ZNF777: variants seen among roughly 807,000 people sequenced by gnomAD.
The protein encoded by ZNF777 is zinc finger protein 777.
A neutral mutation model predicts 72.1 loss-of-function variants in ZNF777; 7 were observed. The ratio of observed to expected loss-of-function variants is 0.10; its 90% CI spans 0.06 to 0.18. The LOEUF (loss-of-function observed/expected upper bound fraction) is 0.18. Ranked by LOEUF, ZNF777 falls within the 10% of genes least tolerant of loss-of-function variation. The pLI is 1.00. For synonymous variants in ZNF777, 545 were observed against 483.5 expected (o/e 1.13, Z -1.67); for missense variants, 828 against 1,128.6 (o/e 0.73, Z 3.82).
At chr7:149,435,551 T>C (rs1585688045) in intron 5 of ZNF777, among the ~76,000 whole-genome samples, 1 of 152,178 alleles carries the variant, frequency 6.6e-6, no homozygotes, top group African/African-American at 2.4e-5. Flanking sequence ...AGGCAAATTA[T>C]AGAGGAATTA....
rs937645698 is a variant in ZNF777 at position 149,455,324 on chromosome 7, A to G, written c.699T>C (p.His233=). Residue 233 remains histidine, a synonymous_variant, in exon 2 of 6, where the codon CAT becomes CAC. Coordinates refer to ENST00000247930, the MANE Select transcript of ZNF777 (RefSeq NM_015694.3). The surrounding 1 kb of genome is among the most constrained non-coding windows in gnomAD (Gnocchi z 4.2). ...CCAACACGACCCACTTGCTCTCCAGATGGTTCGCGAACTCCACGGCTGTCT... is the reference window on the plus strand; with the variant it reads ...CCAACACGACCCACTTGCTCTCCAGGTGGTTCGCGAACTCCACGGCTGTCT... ...CEKTAVEFAN[H]LESKWVVLGT... The G allele has an allele frequency of 2.5e-6, 4 of 1,614,144 alleles. No individual in the cohort carries two copies. The highest frequency in any genetic ancestry group is 3.4e-6 in the Non-Finnish European group (4 of 1,180,016).
chr7:149,457,938 G>C (rs1411332676), intron 1 of ZNF777, among the ~76,000 whole-genome samples: 1 of 152,196 alleles, frequency 6.6e-6, no homozygotes, highest in Admixed American at 6.5e-5. Context: ...TGGTTCCACA[G>C]CCTGCAGGCT....
intron 4 of ZNF777, among the ~76,000 whole-genome samples, chr7:149,439,069 T>G (rs1043188513): frequency 6.6e-6 from 1 of 152,068 alleles, no homozygotes; most frequent in Non-Finnish European, 1.5e-5. Context: ...AAAGTCACCA[T>G]CTTTACCTCC....
At chr7:149,456,096 TA>T in intron 1 of ZNF777, 59 bp from the exon 2 acceptor site, 1 of 1,494,464 alleles carries the variant, frequency 6.7e-7, no homozygotes, top group Non-Finnish European at 8.9e-7. Context: ...GCTAGCAAAA[TA>T]AAACCCAAAG....
chr7:149,435,457 C>T (rs1314319723), intron 5 of ZNF777, among the ~76,000 whole-genome samples: 1 of 152,120 alleles, frequency 6.6e-6, no homozygotes, highest in Non-Finnish European at 1.5e-5. Context: ...AGGTGTGAGT[C>T]ACTGCCCTGG....
intron 4 of ZNF777, among the ~76,000 whole-genome samples, chr7:149,445,046 CT>C (rs897264980): frequency 8.6e-5 from 13 of 151,988 alleles, no homozygotes; most frequent in Admixed American, 6.6e-4. Context: ...TCCCTATTCC[CT>C]TCCATCCTTT....
At position 149,432,022 on chromosome 7, in the gene ZNF777, G is replaced by A. The variant is rs1269639908; in HGVS notation, c.2250C>T (p.His750=). ...HCRVHSRERP[H]ACPECGKSFI... ...AGCTCTTGCCGCACTCGGGGCAGGC[G>A]TGCGGCCGCTCGCGCGAGTGCACGC... The change falls in exon 6 of 6, where the codon CAC becomes CAT. Residue 750 remains histidine (H), a synonymous_variant. Coordinates refer to ENST00000247930, the MANE Select transcript of ZNF777 (RefSeq NM_015694.3). The A allele has an allele frequency of 5.0e-6, 8 of 1,609,078 alleles. No individual in the cohort carries two copies. The highest frequency in any genetic ancestry group is 4.0e-5 in the African/African-American group (3 of 74,910).
chr7:149,446,156 T>C (rs1252332673), intron 4 of ZNF777, among the ~76,000 whole-genome samples: 1 of 152,218 alleles, frequency 6.6e-6, no homozygotes, highest in Non-Finnish European at 1.5e-5. Context: ...GGCGGGCAGA[T>C]TACCTGAGGT....
intron 4 of ZNF777, among the ~76,000 whole-genome samples, chr7:149,450,581 T>G (rs1799694848): frequency 6.6e-6 from 1 of 152,206 alleles, no homozygotes; most frequent in African/African-American, 2.4e-5. Context: ...GCTGAAGCTG[T>G]GCATGTAGGA....
chr7:149,433,017 C>T, intron 5 of ZNF777, 85 bp from the exon 6 acceptor site: 2 of 1,431,962 alleles, frequency 1.4e-6, no homozygotes, highest in Non-Finnish European at 1.8e-6. Flanking sequence ...ACTGCTTCAC[C>T]CTCACCAAAA....
Position 149,454,179 on chromosome 7 carries a change from A to G in ZNF777, c.905T>C (p.Leu302Pro). Residue 302 changes from leucine (L) to proline (P), a missense_variant, in exon 3 of 6, where the codon CTG (leucine) becomes CCG (proline). Coordinates refer to ENST00000247930, the MANE Select transcript of ZNF777 (RefSeq NM_015694.3). ...VHFSEQEWGN[L>P]SEWQKELYKN... ...GTAGAGCTCCTTCTGCCACTCAGAC[A>G]GGTTTCCCCACTCCTGCTCCGAGAA... The G allele has an allele frequency of 6.2e-7, 1 of 1,614,222 alleles. No homozygotes were observed. Among genetic ancestry groups the G allele is most frequent in the Non-Finnish European group, 8.5e-7 (1 of 1,180,042 alleles).
At position 149,432,740 on chromosome 7, in the gene ZNF777, G is replaced by C; in HGVS notation, c.1532C>G (p.Pro511Arg). Residue 511 changes from proline (P) to arginine (R), a missense_variant, in exon 6 of 6, where the codon CCC becomes CGC. Coordinates refer to ENST00000247930, the MANE Select transcript of ZNF777 (RefSeq NM_015694.3). ...GGAGGGCGCCAGCCTTTTCACTGCG[G>C]GGTTTCCTAGCTGCAGGGGCGGGGG... is the stretch of plus-strand genomic sequence containing the variant. The part of the protein sequence containing the change: ...ESPPPLQLGN[P>R]AVKRLAPSVH... 6.2e-7 allele frequency: 1 copy of C among 1,611,792 alleles called. No individual in the cohort carries two copies. Among genetic ancestry groups the C allele is most frequent in the Non-Finnish European group, 8.5e-7 (1 of 1,178,458 alleles).
At chr7:149,452,199 A>G (rs1799732047) in intron 3 of ZNF777, among the ~76,000 whole-genome samples, 1 of 151,910 alleles carries the variant, frequency 6.6e-6, no homozygotes. Flanking sequence ...CGGGAGGCGG[A>G]GCGTGCAGTG....
rs1351675498 is a variant in ZNF777 at position 149,448,510 on chromosome 7, T to TATATATATATATATATATATATATAA, written c.1087+2488_1087+2489insTTATATATATATATATATATATATAT. 8.3e-4 allele frequency among the ~76,000 whole-genome samples: 101 copies of TATATATATATATATATATATATATAA among 122,310 alleles called. 3 individuals carry two copies. Among genetic ancestry groups the TATATATATATATATATATATATATAA allele is most frequent in the African/African-American group, 3.6e-3 (96 of 26,326 alleles). The allele number at this position is 122,310 out of a possible 152,430, so 80.2% of individuals were successfully genotyped here. Reference sequence around the variant, plus strand: ...CTATATATATATATATATATATATATAACTATATATAGTTATACATATAGT... The same window carrying TATATATATATATATATATATATATAA: ...CTATATATATATATATATATATATATATATATATATATATATATATATATAAAACTATATATAGTTATACATATAGT... On this transcript the variant is annotated intron_variant, in intron 4 of 5. Transcript: ENST00000247930.
intron 2 of ZNF777, among the ~76,000 whole-genome samples, chr7:149,454,515 A>G (rs983462982): frequency 2.6e-5 from 4 of 152,238 alleles, no homozygotes; most frequent in African/African-American, 9.6e-5. Context: ...AGACCTACTA[A>G]ATAGCTTCTG....
intron 4 of ZNF777, among the ~76,000 whole-genome samples, chr7:149,441,474 G>C (rs2116580578): frequency 6.6e-6 from 1 of 152,324 alleles, no homozygotes; most frequent in East Asian, 1.9e-4. Context: ...TCCTTCTGGA[G>C]GATGTTCGGT....
Position 149,455,712 on chromosome 7 carries a change from T to C in ZNF777, c.311A>G (p.Gln104Arg). The change falls in exon 2 of 6, where the codon CAG becomes CGG. Residue 104 changes from glutamine to arginine, a missense_variant. Transcript: ENST00000247930. The surrounding 1 kb of genome is among the most constrained non-coding windows in gnomAD (Gnocchi z 4.2). The part of the protein sequence containing the change: ...QGPLASQEGT[Q>R]YPPPAAAEQE... ...TTCAGCAGCAGCTGGGGGTGGATAC[T>C]GGGTCCCTTCCTGGGAAGCCAGGGG... 6.3e-7 allele frequency: 1 copy of C among 1,577,106 alleles called. No individual in the cohort carries two copies. The highest frequency in any genetic ancestry group is 8.6e-7 in the Non-Finnish European group (1 of 1,161,742).
rs879648192 is a variant in ZNF777, at chr7:149,459,515, C to T, written c.-16+1300G>A. Among the ~76,000 whole-genome samples the T allele has an allele frequency of 4.7e-4, 72 of 151,994 alleles. 1 individual carries two copies. The highest frequency in any genetic ancestry group is 9.9e-4 in the Non-Finnish European group (67 of 67,980). ...GCGCTGCCCGGCCTCCCCCGCCGCCCCCGACGGGCCGCGTCCGCTGCCAGG... is the reference window on the plus strand; with the variant it reads ...GCGCTGCCCGGCCTCCCCCGCCGCCTCCGACGGGCCGCGTCCGCTGCCAGG... On this transcript the variant is annotated intron_variant, in intron 1 of 5. Coordinates refer to ENST00000247930, the MANE Select transcript of ZNF777 (RefSeq NM_015694.3).
chr7:149,437,805 C>CTTTT (rs898319193), intron 4 of ZNF777, among the ~76,000 whole-genome samples: 2 of 108,182 alleles, frequency 1.8e-5, no homozygotes, highest in African/African-American at 3.9e-5. Flanking sequence ...GTTTCTTTTT[C>CTTTT]TTTTTTTTTT....
Sources: gnomAD v4.1 joint callset for allele counts (sites outside exome capture counted in the v4.1 genomes callset) on GRCh38, gnomAD v4.1.1 for gene constraint, Gnocchi (gnomAD v3.1) non-coding constraint, MANE v1.5 for transcripts, NCBI Gene and HGNC (gene_info 2026-07-23, HGNC 2026-07-21) for gene names.